ARHGAP8: variants seen among roughly 807,000 people sequenced by gnomAD.
ARHGAP8 encodes rho GTPase-activating protein 8.
ARHGAP8 carries 62 observed loss-of-function variants against 46.1 expected under a neutral mutation model. That is an observed-to-expected ratio of 1.34 (90% confidence interval 1.10 to 1.66). The LOEUF (loss-of-function observed/expected upper bound fraction) is 1.66. Ranked by LOEUF, ARHGAP8 falls within the 40% of genes most tolerant of loss-of-function variation. The pLI, the probability that ARHGAP8 is intolerant of heterozygous loss-of-function variation, is 0.00. For missense variants in ARHGAP8, 923 were observed against 568.4 expected (o/e 1.62, Z -6.34); for synonymous variants, 375 against 243.1 (o/e 1.54, Z -5.05).
intron 7 of ARHGAP8, among the ~76,000 whole-genome samples, chr22:44,828,785 C>T (rs909263014): frequency 6.6e-6 from 1 of 151,972 alleles, no homozygotes; most frequent in African/African-American, 2.4e-5. Context: ...GACCGTTTTC[C>T]CCACGTTCCT....
intron 10 of ARHGAP8, among the ~76,000 whole-genome samples, chr22:44,859,302 C>T (rs145624944): frequency 2.0e-5 from 3 of 152,212 alleles, no homozygotes; most frequent in African/African-American, 7.2e-5. Flanking sequence ...TTGGTGCTGT[C>T]CTCGAGATAG....
intron 1 of ARHGAP8, among the ~76,000 whole-genome samples, chr22:44,759,534 T>C (rs979018188): frequency 1.3e-5 from 2 of 151,978 alleles, no homozygotes; most frequent in South Asian, 4.2e-4. Context: ...TGATCAGGGG[T>C]TAGCTATTCC....
chr22:44,777,749 G>A (rs1324123469), intron 1 of ARHGAP8, among the ~76,000 whole-genome samples: 1 of 152,116 alleles, frequency 6.6e-6, no homozygotes. Flanking sequence ...AGGCTGGAGT[G>A]TAATGGCACA....
intron 3 of ARHGAP8, among the ~76,000 whole-genome samples, chr22:44,802,600 C>A (rs1311459223): frequency 1.3e-5 from 2 of 152,292 alleles, no homozygotes; most frequent in South Asian, 4.1e-4. Context: ...TAACAAATGA[C>A]CACATGCTTG....
intron 11 of ARHGAP8, 141 bp from the exon 12 acceptor site, chr22:44,862,134 G>C (rs556549843): frequency 7.0e-6 from 7 of 1,004,398 alleles, no homozygotes; most frequent in South Asian, 4.4e-5. Flanking sequence ...TGGCTGCACA[G>C]GGTCCCCATT....
chr22:44,858,369 GTTTT>G lies in ARHGAP8; in HGVS notation c.878-1350_878-1347del, dbSNP rs67748773. Reference sequence around the variant, plus strand: ...GGTGAATACTTGTTGGTTGGTGGTGGTTTTTTTTTTTTTTTGAGATGGAGTTTCA... The same window carrying G: ...GGTGAATACTTGTTGGTTGGTGGTGGTTTTTTTTTTTGAGATGGAGTTTCA... On this transcript the variant is annotated intron_variant, in intron 10 of 11. Transcript: ENST00000356099. Among the ~76,000 whole-genome samples, 13 of 142,044 alleles carry G rather than the reference GTTTT, an allele frequency of 9.2e-5. No homozygotes were observed. The East Asian group carries it at 1.0e-3, about 11-fold the overall frequency. 93.2% of individuals were successfully genotyped at this position (142,044 alleles called of 152,430 possible).
chr22:44,845,807 C>T (rs1366545641), intron 8 of ARHGAP8, among the ~76,000 whole-genome samples: 1 of 152,170 alleles, frequency 6.6e-6, no homozygotes, highest in Admixed American at 6.5e-5. Context: ...GGGCTCTCCA[C>T]AGCTCCTGAG....
At chr22:44,789,209 G>T (rs557862579) in intron 2 of ARHGAP8, among the ~76,000 whole-genome samples, 2 of 151,898 alleles carry the variant, frequency 1.3e-5, no homozygotes, top group African/African-American at 2.4e-5. Context: ...GAGTACAGTG[G>T]TGCGATCTCA....
rs183377228 is a variant in ARHGAP8, at chr22:44,862,112, T to G, written c.982-163T>G. Among the ~76,000 whole-genome samples, 6 of 152,274 alleles carry G rather than the reference T, an allele frequency of 3.9e-5. No homozygotes were observed. In the East Asian group the frequency reaches 1.2e-3, roughly 29 times the overall value. ...TTTAGAGATAGGGTAACTAAGGCCC[T>G]GAGTGGGCAGGTGGCTGCACAGGGT... is the stretch of plus-strand genomic sequence containing the variant. On this transcript the variant is annotated intron_variant, in intron 11 of 11. Transcript: ENST00000356099.
chr22:44,846,467 C>T (rs1010821669), intron 8 of ARHGAP8, among the ~76,000 whole-genome samples: 1 of 152,182 alleles, frequency 6.6e-6, no homozygotes, highest in Non-Finnish European at 1.5e-5. Context: ...GGGCGGGGGC[C>T]TGGGAGACCA....
chr22:44,792,663 A>G (rs1927778414), intron 2 of ARHGAP8, among the ~76,000 whole-genome samples: 2 of 152,180 alleles, frequency 1.3e-5, no homozygotes, highest in South Asian at 2.1e-4. Context: ...TGCTTCCCCC[A>G]TGACCAACAT....
At chr22:44,861,323 C>T (rs111986054) in intron 11 of ARHGAP8, among the ~76,000 whole-genome samples, 3,155 of 152,296 alleles carry the variant, frequency 0.021, 114 homozygotes, top group African/African-American at 0.071. Context: ...CCGCCACCTC[C>T]ATGGGCACCG....
intron 10 of ARHGAP8, among the ~76,000 whole-genome samples, chr22:44,858,236 G>A (rs1477283044): frequency 6.6e-6 from 1 of 152,238 alleles, no homozygotes; most frequent in African/African-American, 2.4e-5. Context: ...CTCAGTGGGA[G>A]GGTGATTGGT....
chr22:44,790,978 C>A (rs907238505), intron 2 of ARHGAP8, among the ~76,000 whole-genome samples: 1 of 152,014 alleles, frequency 6.6e-6, no homozygotes, highest in Non-Finnish European at 1.5e-5. Flanking sequence ...GGCAATCCAC[C>A]CTCATTGGCC....
At chr22:44,849,167 ACCCTCCT>A (rs2147168069) in intron 10 of ARHGAP8, 107 bp downstream of exon 10, 1 of 1,555,638 alleles carries the variant, frequency 6.4e-7, no homozygotes, top group East Asian at 2.3e-5. Context: ...ACGTGTACCC[ACCCTCCT>A]CCTGTTGCCA....
intron 7 of ARHGAP8, among the ~76,000 whole-genome samples, chr22:44,839,610 C>A (rs905874523): frequency 2.6e-5 from 4 of 152,172 alleles, no homozygotes; most frequent in African/African-American, 9.7e-5. Flanking sequence ...AATTGTGGGA[C>A]CTTGAGCTGG....
At chr22:44,776,842 C>G (rs1199972326) in intron 1 of ARHGAP8, among the ~76,000 whole-genome samples, 1 of 151,978 alleles carries the variant, frequency 6.6e-6, no homozygotes, top group African/African-American at 2.4e-5. Flanking sequence ...TTGCTTGTAA[C>G]TCACCCCTCC....
chr22:44,755,104 T>C (rs1438555401), intron 1 of ARHGAP8, among the ~76,000 whole-genome samples: 1 of 152,178 alleles, frequency 6.6e-6, no homozygotes, highest in East Asian at 1.9e-4. Flanking sequence ...GACTCCTTGC[T>C]CACATCAGGA....
At chr22:44,853,503 C>T (rs1000841238) in intron 10 of ARHGAP8, among the ~76,000 whole-genome samples, 2 of 152,098 alleles carry the variant, frequency 1.3e-5, no homozygotes, top group African/African-American at 2.4e-5. Flanking sequence ...AAGCGTGCGC[C>T]GTAGTTTTCC....
Sources: gnomAD v4.1 joint callset for allele counts (sites outside exome capture counted in the v4.1 genomes callset) on GRCh38, gnomAD v4.1.1 for gene constraint, MANE v1.5 for transcripts, NCBI Gene and HGNC (gene_info 2026-07-23, HGNC 2026-07-21) for gene names.